Variants in TTC28 observed in about 807,000 individuals in gnomAD.
The protein encoded by TTC28 is tetratricopeptide repeat domain 28, also known as tetratricopeptide repeat protein 28.
Under a neutral mutation model 198.0 loss-of-function variants are expected in TTC28, and 61 were observed. That is an observed-to-expected ratio of 0.31 (90% CI 0.25 to 0.38). TTC28 has a LOEUF of 0.38. TTC28 is among the 10% of genes least tolerant of loss of function. TTC28 has a pLI of 1.00. For synonymous variants in TTC28, 1,171 were observed against 1,297.8 expected, an observed-to-expected ratio of 0.90 and a Z score of 2.10; for missense variants, 2,678 against 3,164.0, an observed-to-expected ratio of 0.85 and a Z score of 3.69.
intron 2 of TTC28, among the ~76,000 whole-genome samples, chr22:28,556,179 T>C (rs747026564): frequency 1.8e-4 from 27 of 151,936 alleles, no homozygotes; most frequent in Non-Finnish European, 4.0e-4. Flanking sequence ...GCCAACATAG[T>C]AAAACCCCGT....
intron 6 of TTC28, among the ~76,000 whole-genome samples, chr22:28,154,556 C>A (rs1943707297): frequency 6.6e-6 from 1 of 152,038 alleles, no homozygotes; most frequent in Non-Finnish European, 1.5e-5. Context: ...CGGGGTTTCA[C>A]CGTGTTAGCC....
At chr22:28,321,859 C>A (rs1042857032) in intron 2 of TTC28, among the ~76,000 whole-genome samples, 1 of 152,146 alleles carries the variant, frequency 6.6e-6, no homozygotes, top group Non-Finnish European at 1.5e-5. Flanking sequence ...ATTTTTGAGA[C>A]TGAGTCTCAC....
chr22:28,428,093 G>C (rs773538374), intron 2 of TTC28, among the ~76,000 whole-genome samples: 4 of 148,512 alleles, frequency 2.7e-5, no homozygotes, highest in South Asian at 4.2e-4. Context: ...AATATTAAAA[G>C]TATTGCAAAG....
intron 2 of TTC28, among the ~76,000 whole-genome samples, chr22:28,413,347 A>C (rs1341686860): frequency 6.6e-6 from 1 of 152,022 alleles, no homozygotes; most frequent in African/African-American, 2.4e-5. Context: ...CTGAGGCAGG[A>C]GAATGGCGTG....
At chr22:28,114,739 C>T (rs1407110244) in intron 6 of TTC28, among the ~76,000 whole-genome samples, 1 of 151,954 alleles carries the variant, frequency 6.6e-6, no homozygotes. Flanking sequence ...ACCACTGTGT[C>T]CAGCTAATGT....
chr22:28,428,751 G>A (rs973029818), intron 2 of TTC28, among the ~76,000 whole-genome samples: 10 of 151,750 alleles, frequency 6.6e-5, no homozygotes, highest in East Asian at 1.9e-4. Flanking sequence ...CCATTCTCCC[G>A]CCTCAGCCTC....
At chr22:28,677,200 A>T (rs1438627218) in intron 1 of TTC28, among the ~76,000 whole-genome samples, 1 of 94,638 alleles carries the variant, frequency 1.1e-5, no homozygotes, top group Non-Finnish European at 2.1e-5. Context: ...ATATATATAT[A>T]TACACACATA....
intron 6 of TTC28, among the ~76,000 whole-genome samples, chr22:28,130,247 T>C (rs751509889): frequency 3.9e-5 from 6 of 152,218 alleles, no homozygotes; most frequent in South Asian, 2.1e-4. Flanking sequence ...AAATCACAAG[T>C]GTGGAAAACA....
chr22:28,145,462 G>A (rs887641852), intron 6 of TTC28, among the ~76,000 whole-genome samples: 3 of 152,100 alleles, frequency 2.0e-5, no homozygotes, highest in Admixed American at 6.5e-5. Context: ...GCCTTACTCC[G>A]AGATCAATGA....
chr22:28,097,264 G>A (rs543975005), intron 10 of TTC28, among the ~76,000 whole-genome samples: 36 of 152,240 alleles, frequency 2.4e-4, no homozygotes, highest in East Asian at 3.9e-4. Context: ...CCTGCCTATC[G>A]CAAAGGGCTA....
At chr22:28,231,350 C>G (rs1339230498) in intron 5 of TTC28, among the ~76,000 whole-genome samples, 2 of 152,160 alleles carry the variant, frequency 1.3e-5, no homozygotes, top group Non-Finnish European at 2.9e-5. Flanking sequence ...ACATCTGAGA[C>G]TAAGGTTTGT....
chr22:27,981,999 T>G lies in TTC28; in HGVS notation c.*222A>C. ...AAGTGTGTAGGAAATTCCATGAGCC[T>G]CCTGTACCAGCCCCACAGAAGTCCT... On this transcript the variant is annotated 3_prime_UTR_variant, in exon 23 of 23. Transcript: ENST00000397906. 2.2e-6 allele frequency: 1 copy of G among 456,866 alleles called. No individual in the cohort carries two copies. The highest frequency in any genetic ancestry group is 3.8e-6 in the Non-Finnish European group (1 of 262,196). The allele number at this position is 456,866 out of a possible 1,614,324, so 28.3% of individuals were successfully genotyped here. A position where few individuals can be genotyped will look rare whatever the true frequency, so the allele number is the denominator to read the frequency against.
chr22:28,635,480 T>C (rs891659334), intron 1 of TTC28, among the ~76,000 whole-genome samples: 1 of 152,190 alleles, frequency 6.6e-6, no homozygotes, highest in African/African-American at 2.4e-5. Context: ...CATATACATA[T>C]AGCATAGGGA....
chr22:28,187,868 C>T (rs761596317), intron 5 of TTC28, among the ~76,000 whole-genome samples: 5 of 152,184 alleles, frequency 3.3e-5, no homozygotes, highest in South Asian at 2.1e-4. Flanking sequence ...CTGTGAATAC[C>T]AGCTGCGTTC....
chr22:28,295,789 A>G (rs570319815), intron 5 of TTC28, among the ~76,000 whole-genome samples: 5 of 152,330 alleles, frequency 3.3e-5, no homozygotes, highest in Admixed American at 2.6e-4. Flanking sequence ...TCCTGAGTTG[A>G]AAATCCACCA....
At chr22:28,119,026 T>C (rs1236966231) in intron 6 of TTC28, among the ~76,000 whole-genome samples, 1 of 152,246 alleles carries the variant, frequency 6.6e-6, no homozygotes, top group Non-Finnish European at 1.5e-5. Flanking sequence ...TTCTCAACTT[T>C]GCTGCCTAAG....
At chr22:28,533,228 A>G (rs966703622) in intron 2 of TTC28, among the ~76,000 whole-genome samples, 1 of 152,210 alleles carries the variant, frequency 6.6e-6, no homozygotes, top group African/African-American at 2.4e-5. Flanking sequence ...AAAAAAATCA[A>G]TGTGCAAAAA....
At chr22:28,093,391 G>A (rs572511892) in intron 12 of TTC28, among the ~76,000 whole-genome samples, 17 of 152,314 alleles carry the variant, frequency 1.1e-4, no homozygotes, top group Admixed American at 2.6e-4. Flanking sequence ...CAGATCTTCC[G>A]AACCCTTGGT....
At chr22:28,673,746 G>A (rs1367082656) in intron 1 of TTC28, among the ~76,000 whole-genome samples, 2 of 152,144 alleles carry the variant, frequency 1.3e-5, no homozygotes, top group Admixed American at 1.3e-4. Context: ...AATACAGTGT[G>A]AATATACAAG....
Sources: gnomAD v4.1 joint callset for allele counts (sites outside exome capture counted in the v4.1 genomes callset) on GRCh38, gnomAD v4.1.1 for gene constraint, MANE v1.5 for transcripts, NCBI Gene and HGNC (gene_info 2026-07-23, HGNC 2026-07-21) for gene names.